The following ATOSA variants were observed in gnomAD, a reference collection of about 807,000 sequenced individuals.
ATOSA encodes atos homolog A.
At chr15:52,602,985 C>G in the ATOSA span, among the ~76,000 whole-genome samples, 1 of 152,178 alleles carries the variant, frequency 6.6e-6, no homozygotes, top group Non-Finnish European at 1.5e-5. Context: ...CTTCCAGAAT[C>G]TCTGTGTGGG....
At chr15:52,586,593 G>T in the ATOSA span, 1 of 152,602 alleles carries the variant, frequency 6.6e-6, no homozygotes, top group Non-Finnish European at 1.5e-5. Context: ...GAGAACCCTA[G>T]ACCAGGGATG....
the ATOSA span, among the ~76,000 whole-genome samples, chr15:52,643,093 G>C: frequency 6.6e-6 from 1 of 152,180 alleles, no homozygotes; most frequent in African/African-American, 2.4e-5. Flanking sequence ...TAAATCACTA[G>C]AATTCCTCCT....
the ATOSA span, among the ~76,000 whole-genome samples, chr15:52,679,577 C>T: frequency 6.6e-6 from 1 of 152,154 alleles, no homozygotes; most frequent in Non-Finnish European, 1.5e-5. Context: ...GGCTGGGAGA[C>T]ACCAGCAGAG....
At chr15:52,593,832 G>A in the ATOSA span, 2 of 1,206,480 alleles carry the variant, frequency 1.7e-6, no homozygotes, top group African/African-American at 3.1e-5. Flanking sequence ...TAAAGGCAGA[G>A]AAGTGATTAA....
the ATOSA span, among the ~76,000 whole-genome samples, chr15:52,604,510 T>TGG: frequency 2.6e-5 from 4 of 152,196 alleles, no homozygotes; most frequent in African/African-American, 9.7e-5. Flanking sequence ...TGCCTCAAGT[T>TGG]TAACTGAAAT....
At chr15:52,679,815 CCCT>C in the ATOSA span, among the ~76,000 whole-genome samples, 173 of 104,848 alleles carry the variant, frequency 1.7e-3, 4 homozygotes, top group African/African-American at 5.3e-3. Context: ...CTCCTTCCCC[CCCT>C]CCTCCTCCTC....
chr15:52,659,833 C>T, the ATOSA span, among the ~76,000 whole-genome samples: 1 of 151,772 alleles, frequency 6.6e-6, no homozygotes, highest in Non-Finnish European at 1.5e-5. Flanking sequence ...ATAGCAAGAC[C>T]TGTCTCTAAA....
At chr15:52,660,904 T>TGAGG in the ATOSA span, among the ~76,000 whole-genome samples, 5 of 152,238 alleles carry the variant, frequency 3.3e-5, no homozygotes, top group Non-Finnish European at 5.9e-5. Flanking sequence ...TCCACCCGCC[T>TGAGG]TGGTCTCCCA....
the ATOSA span, among the ~76,000 whole-genome samples, chr15:52,595,094 C>G: frequency 6.6e-6 from 1 of 152,286 alleles, no homozygotes; most frequent in South Asian, 2.1e-4. Context: ...ACAAATTTAC[C>G]TGGCAAATTC....
the ATOSA span, chr15:52,605,100 T>C: frequency 3.5e-6 from 5 of 1,409,498 alleles, no homozygotes; most frequent in Non-Finnish European, 4.0e-6. Context: ...TGTATGTAAG[T>C]TCTAAGCATG....
At chr15:52,690,947 G>T in the ATOSA span, among the ~76,000 whole-genome samples, 1 of 152,216 alleles carries the variant, frequency 6.6e-6, no homozygotes, top group Admixed American at 6.5e-5. Flanking sequence ...GATGCATTCT[G>T]TGATGATCCT....
At chr15:52,624,848 G>T in the ATOSA span, among the ~76,000 whole-genome samples, 1 of 151,484 alleles carries the variant, frequency 6.6e-6, no homozygotes, top group South Asian at 2.1e-4. Flanking sequence ...TGCGATCCCG[G>T]CTCACTGAAA....
At chr15:52,683,090 C>G in the ATOSA span, among the ~76,000 whole-genome samples, 2 of 152,170 alleles carry the variant, frequency 1.3e-5, no homozygotes, top group Non-Finnish European at 2.9e-5. Context: ...GGTGGATAAA[C>G]CTTTAATTAA....
the ATOSA span, among the ~76,000 whole-genome samples, chr15:52,582,600 C>G: frequency 6.6e-6 from 1 of 152,220 alleles, no homozygotes; most frequent in Non-Finnish European, 1.5e-5. Flanking sequence ...CTCCCTGACT[C>G]CACAGTACAT....
the ATOSA span, among the ~76,000 whole-genome samples, chr15:52,685,680 T>C: frequency 6.6e-6 from 1 of 152,076 alleles, no homozygotes; most frequent in South Asian, 2.1e-4. Flanking sequence ...GTGATCTGCC[T>C]GGCCTCGGCC....
At chr15:52,608,711 T>G in the ATOSA span, 6 of 1,612,640 alleles carry the variant, frequency 3.7e-6, no homozygotes, top group Admixed American at 5.0e-5. Flanking sequence ...TTTTTACATT[T>G]GAAACCTTCA....
At chr15:52,643,590 C>CTTTT in the ATOSA span, among the ~76,000 whole-genome samples, 1 of 136,694 alleles carries the variant, frequency 7.3e-6, no homozygotes, top group Non-Finnish European at 1.6e-5. Flanking sequence ...GCCTTGAACT[C>CTTTT]TTTTTTTTTT....
chr15:52,614,804 C>T, the ATOSA span, among the ~76,000 whole-genome samples: 8 of 152,056 alleles, frequency 5.3e-5, no homozygotes, highest in African/African-American at 1.7e-4. Flanking sequence ...GCCAAGATCA[C>T]CCCATTGCAC....
At chr15:52,694,843 T>G in the ATOSA span, among the ~76,000 whole-genome samples, 1 of 152,104 alleles carries the variant, frequency 6.6e-6, no homozygotes, top group Non-Finnish European at 1.5e-5. Context: ...AAAATTTAAA[T>G]TTAAAATATG....
Sources: allele counts gnomAD v4.1 joint callset (sites outside exome capture counted in the v4.1 genomes callset), GRCh38; gene constraint gnomAD v4.1.1; transcripts MANE v1.5; gene names NCBI Gene and HGNC (gene_info 2026-07-23, HGNC 2026-07-21).